The following ZSWIM2 variants were observed in gnomAD, a reference collection of about 807,000 sequenced individuals.
The protein encoded by ZSWIM2 is zinc finger SWIM-type containing 2.
In ZSWIM2, 38 loss-of-function variants were observed where a neutral mutation model predicts 48.4. The ratio of observed to expected loss-of-function variants is 0.79; its 90% CI spans 0.61 to 1.03. The LOEUF is 1.03. Ranked by LOEUF, ZSWIM2 falls within the 50% of genes least tolerant of loss-of-function variation. The probability of loss-of-function intolerance (pLI) is 0.00; values close to 1 mark genes in which losing one functional copy is unlikely to be tolerated. For synonymous variants in ZSWIM2, 240 were observed against 251.3 expected (o/e 0.96, Z 0.42); for missense variants, 776 against 730.2 (o/e 1.06, Z -0.72).
chr2:186,829,661 A>G (rs536349427), intron 8 of ZSWIM2, 66 bp downstream of exon 8: 1 of 1,534,682 alleles, frequency 6.5e-7, no homozygotes, highest in South Asian at 1.2e-5. Context: ...ACAGACTTAA[A>G]TTGTCACTTC....
rs932112551 is a variant in ZSWIM2, at chr2:186,839,018, A to G, written c.435T>C (p.Asp145=). The G allele has an allele frequency of 1.2e-5, 19 of 1,611,762 alleles. No homozygotes were observed. Among genetic ancestry groups the G allele is most frequent in the Non-Finnish European group, 1.4e-5 (16 of 1,178,356 alleles). ...YIKQKEIDSE[D]ICSICQELLL... ...GTAGCTCTTGACAAATAGAGCAGATATCCTCTGAATCAATTTCCTTCTGTT... is the reference window on the plus strand; with the variant it reads ...GTAGCTCTTGACAAATAGAGCAGATGTCCTCTGAATCAATTTCCTTCTGTT... Residue 145 remains aspartate, a synonymous_variant, in exon 4 of 9, where the codon GAT becomes GAC. Transcript: ENST00000295131.
chr2:186,834,081 T>G (rs1691751086), intron 5 of ZSWIM2, 51 bp from the exon 6 acceptor site: 1 of 1,441,648 alleles, frequency 6.9e-7, no homozygotes, highest in Non-Finnish European at 9.6e-7. Flanking sequence ...CCAATTATTG[T>G]GATGGTTTTG....
intron 5 of ZSWIM2, among the ~76,000 whole-genome samples, chr2:186,837,083 C>A (rs1691806252): frequency 6.6e-6 from 1 of 152,018 alleles, no homozygotes; most frequent in Non-Finnish European, 1.5e-5. Flanking sequence ...AGAGCTCAAA[C>A]CAATACCCTT....
intron 2 of ZSWIM2, among the ~76,000 whole-genome samples, chr2:186,846,806 C>CATATATAT (rs1388154833): frequency 8.5e-4 from 37 of 43,340 alleles, no homozygotes; most frequent in African/African-American, 3.3e-3. Context: ...TACACACACA[C>CATATATAT]ACACATATAT....
At chr2:186,839,580 G>A (rs966014083) in intron 3 of ZSWIM2, among the ~76,000 whole-genome samples, 3 of 151,676 alleles carry the variant, frequency 2.0e-5, no homozygotes, top group Non-Finnish European at 3.0e-5. Flanking sequence ...AGTAGCTACT[G>A]TAATTATTTG....
chr2:186,840,856 T>C (rs1001581002), intron 3 of ZSWIM2, among the ~76,000 whole-genome samples: 1 of 151,484 alleles, frequency 6.6e-6, no homozygotes, highest in African/African-American at 2.4e-5. Context: ...AGAAAAAACT[T>C]ATAGCAGATT....
intron 3 of ZSWIM2, among the ~76,000 whole-genome samples, chr2:186,840,700 T>C (rs1363063274): frequency 6.6e-6 from 1 of 150,502 alleles, no homozygotes; most frequent in African/African-American, 2.4e-5. Flanking sequence ...AATAATAAAA[T>C]GAGCAGAAAA....
chr2:186,827,900 G>T lies in ZSWIM2; in HGVS notation c.*84C>A, dbSNP rs1237708754. ...CCAACAGAGAATTTTATATACATTT[G>T]TCAAGACTATGTGTGCTTTTTATGT... is the stretch of plus-strand genomic sequence containing the variant. On this transcript the variant is annotated 3_prime_UTR_variant, in exon 9 of 9. Transcript: ENST00000295131. The T allele has an allele frequency of 1.0e-5, 12 of 1,170,370 alleles. No individual in the cohort carries two copies. In the African/African-American group the frequency reaches 1.6e-4, roughly 15 times the overall value. The allele number at this position is 1,170,370 out of a possible 1,614,324, so 72.5% of individuals were successfully genotyped here.
At chr2:186,847,463 A>C (rs1307537059) in intron 2 of ZSWIM2, among the ~76,000 whole-genome samples, 1 of 152,150 alleles carries the variant, frequency 6.6e-6, no homozygotes, top group East Asian at 1.9e-4. Flanking sequence ...ACATTTGTAC[A>C]TGAGAATCTA....
At position 186,829,754 on chromosome 2, in the gene ZSWIM2, A is replaced by G. The variant is rs1167839572; in HGVS notation, c.1068T>C (p.His356=). 5.0e-6 allele frequency: 8 copies of G among 1,613,500 alleles called. No homozygotes were observed. The highest frequency in any genetic ancestry group is 3.3e-5 in the Admixed American group (2 of 59,872). Residue 356 remains histidine (H), a synonymous_variant, in exon 8 of 9, where the codon CAT becomes CAC. Transcript: ENST00000295131. ...TGTGAGTACATGGTAGCAATCTTGT[A>G]TGTTGACCAAGATGAAATGCCTTCA... ...LCLKAFHLGQ[H]TRLLPCTHKF... is the part of the protein sequence containing the mutation.
chr2:186,828,867 T>G, intron 8 of ZSWIM2, 77 bp from the exon 9 acceptor site: 1 of 878,684 alleles, frequency 1.1e-6, no homozygotes, highest in Non-Finnish European at 1.5e-6. Context: ...TCCCCCAGTT[T>G]CATAATTTTA....
chr2:186,841,011 G>A (rs573253789), intron 3 of ZSWIM2, among the ~76,000 whole-genome samples: 22 of 151,474 alleles, frequency 1.5e-4, no homozygotes, highest in African/African-American at 5.1e-4. Context: ...TGCATCAAAG[G>A]CAAATGAGTT....
chr2:186,838,878 CA>C, intron 4 of ZSWIM2, 80 bp downstream of exon 4: 1 of 1,265,928 alleles, frequency 7.9e-7, no homozygotes, highest in Non-Finnish European at 1.1e-6. Context: ...TTTTCCCTAT[CA>C]TGTCTCCTAA....
intron 2 of ZSWIM2, among the ~76,000 whole-genome samples, chr2:186,846,559 G>A (rs1692005948): frequency 6.6e-6 from 1 of 151,768 alleles, no homozygotes; most frequent in Non-Finnish European, 1.5e-5. Context: ...CAACCTTTAT[G>A]AAAAACAGTA....
intron 1 of ZSWIM2, 70 bp downstream of exon 1, chr2:186,848,896 G>A (rs970879271): frequency 6.3e-7 from 1 of 1,584,774 alleles, no homozygotes; most frequent in Non-Finnish European, 8.6e-7. Flanking sequence ...TACGCACATT[G>A]GGTATGCCAG....
Position 186,844,735 on chromosome 2 carries a change from G to T in ZSWIM2, c.265C>A (p.Leu89Ile), listed in dbSNP as rs138779304. ...ICWVLLKKFK[L>I]PRNHESALQL... ...AACTTACATTCATGGTTCCTTGGAA[G>T]CTTGAATTTTTTCAACAAGACCCTA... The change falls in exon 3 of 9, where the codon CTT (leucine) becomes ATT (isoleucine). Residue 89 changes from leucine (L) to isoleucine (I), a missense_variant. Leu to Ile is a conservative substitution (Grantham distance 5). Coordinates refer to ENST00000295131, the MANE Select transcript of ZSWIM2 (RefSeq NM_182521.3). The T allele has an allele frequency of 1.3e-6, 2 of 1,559,842 alleles. No individual in the cohort carries two copies. Among genetic ancestry groups the T allele is most frequent in the African/African-American group, 1.4e-5 (1 of 70,868 alleles).
At chr2:186,845,816 A>G (rs1691987751) in intron 2 of ZSWIM2, among the ~76,000 whole-genome samples, 1 of 151,684 alleles carries the variant, frequency 6.6e-6, no homozygotes, top group Non-Finnish European at 1.5e-5. Context: ...TAATAGACAT[A>G]ATCTTCAATA....
At chr2:186,830,016 C>A in intron 7 of ZSWIM2, 136 bp from the exon 8 acceptor site, 3 of 801,588 alleles carry the variant, frequency 3.7e-6, no homozygotes, top group Non-Finnish European at 5.8e-6. Flanking sequence ...GATAATAAAT[C>A]TCATATATTA....
intron 7 of ZSWIM2, among the ~76,000 whole-genome samples, chr2:186,832,465 G>A (rs1220645129): frequency 2.0e-5 from 3 of 151,978 alleles, no homozygotes; most frequent in Non-Finnish European, 4.4e-5. Context: ...AAGGTCTGGA[G>A]ACCTCTCCAC....
Sources: allele counts gnomAD v4.1 joint callset (sites outside exome capture counted in the v4.1 genomes callset), GRCh38; gene constraint gnomAD v4.1.1; transcripts MANE v1.5; gene names NCBI Gene and HGNC (gene_info 2026-07-23, HGNC 2026-07-21).